Variants in KIDINS220 observed in about 807,000 individuals in gnomAD.
KIDINS220 encodes the protein kinase D-interacting substrate of 220 kDa.
Under a neutral mutation model 157.6 loss-of-function variants are expected in KIDINS220, and 63 were observed. The ratio of observed to expected loss-of-function variants is 0.40; its 90% CI spans 0.33 to 0.49. The LOEUF is 0.49. Among genes scored for constraint, KIDINS220 ranks in the 20% least tolerant of loss-of-function variants. KIDINS220 has a pLI of 0.66. For synonymous variants in KIDINS220, 732 were observed against 783.6 expected, an observed-to-expected ratio of 0.93 and a Z score of 1.10; for missense variants, 1,772 against 2,171.2, an observed-to-expected ratio of 0.82 and a Z score of 3.65.
chr2:8,762,997 C>T (rs1327671328), intron 22 of KIDINS220, among the ~76,000 whole-genome samples: 1 of 152,132 alleles, frequency 6.6e-6, no homozygotes, highest in Non-Finnish European at 1.5e-5. Flanking sequence ...CGTTTTTCAA[C>T]AGAAAAGATA....
In KIDINS220 at chr2:8,732,118, A is replaced by G. The variant is rs934796376; in HGVS notation, c.4054-136T>C. 30 of 718,040 alleles carry G rather than the reference A, an allele frequency of 4.2e-5. No homozygotes were observed. The African/African-American group carries it at 4.7e-4, about 11-fold the overall frequency. 44.5% of individuals were successfully genotyped at this position (718,040 alleles called of 1,614,324 possible). ...CATCAAATTCTTTTAAAAGAATTCTACATAACACAGATTAACAAAAGCTGT... is the reference window on the plus strand; with the variant it reads ...CATCAAATTCTTTTAAAAGAATTCTGCATAACACAGATTAACAAAAGCTGT... On this transcript the variant is annotated intron_variant, in intron 29 of 29. Transcript: ENST00000256707.
intron 22 of KIDINS220, chr2:8,757,437 G>A: frequency 7.7e-7 from 1 of 1,295,858 alleles, no homozygotes; most frequent in Non-Finnish European, 9.8e-7. Flanking sequence ...CTTTAGTCAT[G>A]AGAAGCACAC....
intron 4 of KIDINS220, among the ~76,000 whole-genome samples, chr2:8,815,513 CAA>C (rs1193594161): frequency 6.6e-6 from 1 of 151,878 alleles, no homozygotes; most frequent in Non-Finnish European, 1.5e-5. Context: ...ACTAAAAATA[CAA>C]AAAGTTAGCC....
At chr2:8,820,012 T>C (rs1272777719) in intron 2 of KIDINS220, among the ~76,000 whole-genome samples, 1 of 152,200 alleles carries the variant, frequency 6.6e-6, no homozygotes, top group Non-Finnish European at 1.5e-5. Flanking sequence ...CTATGATTCT[T>C]TTAAATGCCC....
intron 1 of KIDINS220, among the ~76,000 whole-genome samples, chr2:8,827,440 G>C (rs1678971394): frequency 6.6e-6 from 1 of 152,088 alleles, no homozygotes. Flanking sequence ...GGCAGCTCCA[G>C]GTCCATTCTT....
Position 8,818,807 on chromosome 2 carries a change from A to C in KIDINS220, c.109-14T>G, listed in dbSNP as rs767563458. 4 of 1,488,302 alleles carry C rather than the reference A, an allele frequency of 2.7e-6. No homozygotes were observed. The Admixed American group carries it at 7.7e-5, about 29-fold the overall frequency. The allele number at this position is 1,488,302 out of a possible 1,614,324, so 92.2% of individuals were successfully genotyped here. ...AGTCTGGCCACACTAGAGAATATAA[A>C]AGACAAAGGGAACTTATCAAGTTAC... is the stretch of plus-strand genomic sequence containing the variant. On this transcript the variant is annotated splice_polypyrimidine_tract_variant and intron_variant, in intron 2 of 29. Coordinates refer to ENST00000256707, the MANE Select transcript of KIDINS220 (RefSeq NM_020738.4).
chr2:8,766,406 A>C (rs1669502803), intron 22 of KIDINS220, among the ~76,000 whole-genome samples: 1 of 152,194 alleles, frequency 6.6e-6, no homozygotes, highest in South Asian at 2.1e-4. Flanking sequence ...TACTTAATGC[A>C]GAACCTGCAC....
intron 7 of KIDINS220, among the ~76,000 whole-genome samples, chr2:8,804,934 C>T (rs73151209): frequency 0.055 from 8,331 of 152,150 alleles, 771 homozygotes; most frequent in African/African-American, 0.19. Flanking sequence ...CCCAAGACTG[C>T]CCCCGCTTCC....
chr2:8,727,939 C>A (rs571029747), downstream of KIDINS220, among the ~76,000 whole-genome samples: 1 of 152,340 alleles, frequency 6.6e-6, no homozygotes, highest in South Asian at 2.1e-4. Context: ...TGCAGAAAGC[C>A]TGTACTCACA....
At chr2:8,725,364 T>C (rs1241117818), downstream of KIDINS220, 1 of 152,232 alleles carries the variant, frequency 6.6e-6, no homozygotes, top group African/African-American at 2.4e-5. Flanking sequence ...ATTCACATGC[T>C]TCTTGCTATA....
At chr2:8,821,242 A>G (rs1001315211) in intron 2 of KIDINS220, among the ~76,000 whole-genome samples, 1 of 151,982 alleles carries the variant, frequency 6.6e-6, no homozygotes, top group African/African-American at 2.4e-5. Flanking sequence ...AAACATGCCA[A>G]ATGAAAGATT....
At chr2:8,809,468 TTAA>T (rs1320491778) in intron 6 of KIDINS220, among the ~76,000 whole-genome samples, 6 of 151,570 alleles carry the variant, frequency 4.0e-5, no homozygotes, top group African/African-American at 9.7e-5. Context: ...GCTCTGGAGA[TTAA>T]TAATAATTAT....
intron 4 of KIDINS220, among the ~76,000 whole-genome samples, chr2:8,816,544 T>C (rs953160861): frequency 2.6e-5 from 4 of 152,236 alleles, no homozygotes; most frequent in African/African-American, 7.2e-5. Context: ...ATTCCACCCC[T>C]GGCCTCTCTA....
Position 8,813,338 on chromosome 2 carries a change from A to G in KIDINS220, c.307-3T>C, listed in dbSNP as rs769685228. 6 of 1,604,494 alleles carry G rather than the reference A, an allele frequency of 3.7e-6. No homozygotes were observed. Among genetic ancestry groups the G allele is most frequent in the Non-Finnish European group, 2.6e-6 (3 of 1,175,400 alleles). ...CACATAAGAGCTGTCCATCCTCCCT[A>G]AACAAAAAATGTAGGGGTAAGGGAA... On this transcript the variant is annotated splice_polypyrimidine_tract_variant and splice_region_variant and intron_variant, in intron 4 of 29. Coordinates refer to ENST00000256707, the MANE Select transcript of KIDINS220 (RefSeq NM_020738.4).
chr2:8,817,401 T>C (rs1484177046), intron 4 of KIDINS220, among the ~76,000 whole-genome samples: 1 of 152,074 alleles, frequency 6.6e-6, no homozygotes, highest in Non-Finnish European at 1.5e-5. Flanking sequence ...AATTTTAAAC[T>C]CCAAAATAAA....
chr2:8,757,139 G>T, intron 22 of KIDINS220: 1 of 410,992 alleles, frequency 2.4e-6, no homozygotes, highest in Non-Finnish European at 3.3e-6. Flanking sequence ...AAAGAGTTAA[G>T]ATATTTACTA....
At chr2:8,821,688 C>A (rs1677979404) in intron 2 of KIDINS220, among the ~76,000 whole-genome samples, 1 of 152,190 alleles carries the variant, frequency 6.6e-6, no homozygotes, top group Non-Finnish European at 1.5e-5. Context: ...CAAAGCAATT[C>A]TTAACTGATG....
intron 15 of KIDINS220, among the ~76,000 whole-genome samples, chr2:8,786,731 CAAGA>C (rs1672450820): frequency 1.3e-5 from 2 of 151,984 alleles, no homozygotes; most frequent in South Asian, 4.2e-4. Context: ...AAGAGTTGCA[CAAGA>C]AAGTTTTCTA....
At chr2:8,780,173 T>C (rs1671503052) in intron 17 of KIDINS220, among the ~76,000 whole-genome samples, 1 of 152,234 alleles carries the variant, frequency 6.6e-6, no homozygotes, top group African/African-American at 2.4e-5. Context: ...TGCTGCTGGC[T>C]CCCTGATGGC....
Sources: allele counts gnomAD v4.1 joint callset (sites outside exome capture counted in the v4.1 genomes callset), GRCh38; gene constraint gnomAD v4.1.1; transcripts MANE v1.5; gene names NCBI Gene and HGNC (gene_info 2026-07-23, HGNC 2026-07-21).